The following GGT1 variants were observed in gnomAD, a reference collection of about 807,000 sequenced individuals.
GGT1 encodes glutathione hydrolase 1 proenzyme.
GGT1 carries 21 observed loss-of-function variants against 56.0 expected under a neutral mutation model. The ratio of observed to expected loss-of-function variants is 0.38; its 90% CI spans 0.27 to 0.54. GGT1 has a LOEUF of 0.54. Ranked by LOEUF, GGT1 falls within the 20% of genes least tolerant of loss-of-function variation. The probability of loss-of-function intolerance (pLI) is 0.82; values close to 1 mark genes in which losing one functional copy is unlikely to be tolerated. For missense variants in GGT1, 466 were observed against 787.0 expected (o/e 0.59, Z 4.88); for synonymous variants, 238 against 342.6 (o/e 0.69, Z 3.37).
chr22:24,592,987 C>G (rs2147179378), upstream of GGT1: 1 of 1,158,140 alleles, frequency 8.6e-7, no homozygotes, highest in Non-Finnish European at 1.1e-6. Flanking sequence ...GGCCGCCGCC[C>G]CGGCCTCAGA....
At chr22:24,586,588 G>A in the GGT1 span, among the ~76,000 whole-genome samples, 51 of 152,378 alleles carry the variant, frequency 3.3e-4, 1 homozygote, top group South Asian at 0.011. Context: ...CTGGAGTGCA[G>A]TGGCACAATC....
rs759747058 is a variant in GGT1, at chr22:24,614,952, T to A, written c.295+46T>A. On this transcript the variant is annotated intron_variant, in intron 6 of 15. Transcript: ENST00000400382. ...GAGGGAGAGGGGCAGGGGGTGTGGGTTGGGCCGAGGCACAGCTGGGCGGTC... is the reference window on the plus strand; with the variant it reads ...GAGGGAGAGGGGCAGGGGGTGTGGGATGGGCCGAGGCACAGCTGGGCGGTC... 1.9e-6 allele frequency: 3 copies of A among 1,598,520 alleles called. No individual in the cohort carries two copies. The Admixed American group carries it at 5.0e-5, about 27-fold the overall frequency.
chr22:24,588,292 C>T, the GGT1 span: 23 of 1,613,414 alleles, frequency 1.4e-5, no homozygotes, highest in African/African-American at 4.0e-5. Context: ...GATGAGCTGT[C>T]GGCAGATCTT....
At chr22:24,613,799 C>T (rs2046869128) in intron 5 of GGT1, among the ~76,000 whole-genome samples, 1 of 151,846 alleles carries the variant, frequency 6.6e-6, no homozygotes, top group African/African-American at 2.4e-5. Context: ...ACTGTAATCC[C>T]AGCACTTTGG....
chr22:24,628,476 T>A lies in GGT1; in HGVS notation c.1563+88T>A, dbSNP rs2147557763. The A allele has an allele frequency of 9.0e-6, 14 of 1,561,278 alleles. No individual in the cohort carries two copies. The South Asian group carries it at 1.3e-4, about 15-fold the overall frequency. ...GCCTGGATCATCACAGAGTGGACAA[T>A]GGTTGGTGTCCTCTCTCTAGTGCCT... On this transcript the variant is annotated intron_variant, in intron 15 of 15. Coordinates refer to ENST00000400382, the MANE Select transcript of GGT1 (RefSeq NM_001288833.2). This position sits in a 1 kb window ranked among gnomAD's most constrained non-coding sequence, Gnocchi z 5.7.
At position 24,628,644 on chromosome 22, in the gene GGT1, G is replaced by T. The variant is rs1156925642; in HGVS notation, c.1564-49G>T. The T allele has an allele frequency of 6.2e-7, 1 of 1,610,878 alleles. No homozygotes were observed. The highest frequency in any genetic ancestry group is 1.3e-5 in the African/African-American group (1 of 74,852). Reference sequence around the variant, plus strand: ...CCTGTGACCACACAGATGTGGTTCAGGTGGCATCTGGAGCCCTGCTCAGGC... The same window carrying T: ...CCTGTGACCACACAGATGTGGTTCATGTGGCATCTGGAGCCCTGCTCAGGC... On this transcript the variant is annotated intron_variant, in intron 15 of 15. Coordinates refer to ENST00000400382, the MANE Select transcript of GGT1 (RefSeq NM_001288833.2). This position sits in a 1 kb window ranked among gnomAD's most constrained non-coding sequence, Gnocchi z 5.7.
chr22:24,592,048 C>T (rs2045583704), upstream of GGT1, among the ~76,000 whole-genome samples: 2 of 152,200 alleles, frequency 1.3e-5, no homozygotes, highest in African/African-American at 2.4e-5. Flanking sequence ...CTACCTTCTG[C>T]AGGCCGAACA....
At chr22:24,593,238 C>T, upstream of GGT1, 9 of 399,816 alleles carry the variant, frequency 2.3e-5, no homozygotes, top group Non-Finnish European at 3.1e-5. Context: ...GGAGGAGGCC[C>T]TGCTTGCGTC....
chr22:24,589,909 T>C (rs773556996), upstream of GGT1: 9 of 1,612,632 alleles, frequency 5.6e-6, no homozygotes, highest in East Asian at 2.2e-5. Flanking sequence ...CACATCTCTG[T>C]AGAGGATATC....
rs556383400 is a variant in GGT1 at position 24,620,753 on chromosome 22, C to T, written c.576-160C>T. 3.5e-4 allele frequency: 505 copies of T among 1,458,908 alleles called. 11 individuals carry two copies. In the South Asian group the frequency reaches 6.8e-3, roughly 20 times the overall value. 90.4% of individuals were successfully genotyped at this position (1,458,908 alleles called of 1,614,324 possible). ...GTGGCAAGGGACACTAGGAAGCTCC[C>T]GGAAGGGACACTAGGAAGACGAGCG... is the stretch of plus-strand genomic sequence containing the variant. On this transcript the variant is annotated intron_variant, in intron 8 of 15. Transcript: ENST00000400382. The surrounding 1 kb of genome is among the most constrained non-coding windows in gnomAD (Gnocchi z 5.6).
intron 5 of GGT1, among the ~76,000 whole-genome samples, chr22:24,614,509 AG>A (rs2046927697): frequency 6.7e-6 from 1 of 148,730 alleles, no homozygotes; most frequent in African/African-American, 2.5e-5. Flanking sequence ...CCAGCTACTC[AG>A]GAGGCTGAGG....
At chr22:24,592,809 A>AC (rs2045612489), upstream of GGT1, 2 of 1,235,604 alleles carry the variant, frequency 1.6e-6, no homozygotes. Flanking sequence ...AGACCCCCAG[A>AC]CCCCCAGACC....
At chr22:24,598,786 C>G (rs1363244331), upstream of GGT1, among the ~76,000 whole-genome samples, 1 of 152,176 alleles carries the variant, frequency 6.6e-6, no homozygotes, top group Non-Finnish European at 1.5e-5. Context: ...CTCCTGGGCT[C>G]AAGCCATCCA....
At chr22:24,621,718 C>A (rs2047422277) in intron 9 of GGT1, among the ~76,000 whole-genome samples, 2 of 152,130 alleles carry the variant, frequency 1.3e-5, no homozygotes, top group African/African-American at 4.8e-5. Flanking sequence ...GGAGAAGAGG[C>A]CAAGCGGCAG....
rs530563480 is a variant in GGT1, at chr22:24,605,586, A to G, written c.-429+2059A>G. 6.4e-5 allele frequency among the ~76,000 whole-genome samples: 2 copies of G among 31,242 alleles called. 1 individual carries two copies. The highest frequency in any genetic ancestry group is 8.8e-5 in the Non-Finnish European group (2 of 22,834). 20.5% of individuals were successfully genotyped at this position (31,242 alleles called of 152,430 possible). A position where few individuals can be genotyped will look rare whatever the true frequency, so the allele number is the denominator to read the frequency against. ...ATATTATATAATGTGTATTATATAT[A>G]TAATATTATATAATGTGTATTATAT... is the stretch of plus-strand genomic sequence containing the variant. On this transcript the variant is annotated intron_variant, in intron 1 of 15. Coordinates refer to ENST00000400382, the MANE Select transcript of GGT1 (RefSeq NM_001288833.2).
At chr22:24,615,901 GGAGTTT>G (rs3034881) in intron 7 of GGT1, 9 of 152,276 alleles carry the variant, frequency 5.9e-5, no homozygotes, top group Non-Finnish European at 1.3e-4. Flanking sequence ...CATGAGCCCA[GGAGTTT>G]GAGACCTGCC....
chr22:24,588,331 T>C, the GGT1 span: 1 of 1,608,472 alleles, frequency 6.2e-7, no homozygotes, highest in Non-Finnish European at 8.5e-7. Flanking sequence ...CTCATAGTCC[T>C]GTGGGAGGGC....
upstream of GGT1, chr22:24,592,368 C>G: frequency 2.1e-6 from 1 of 470,822 alleles, no homozygotes; most frequent in Non-Finnish European, 4.4e-6. Context: ...TGGGGTGAGG[C>G]TGCATCCCTA....
At chr22:24,596,307 G>A (rs942953674) in intron 1 of GGT1, among the ~76,000 whole-genome samples, 6 of 152,342 alleles carry the variant, frequency 3.9e-5, no homozygotes, top group Admixed American at 3.9e-4. Context: ...TATAGGCCAA[G>A]CCACACTCCC....
Sources: allele counts gnomAD v4.1 joint callset (sites outside exome capture counted in the v4.1 genomes callset), GRCh38; gene constraint gnomAD v4.1.1; non-coding constraint Gnocchi (gnomAD v3.1); transcripts MANE v1.5; gene names NCBI Gene and HGNC (gene_info 2026-07-23, HGNC 2026-07-21).